The following UBE2E2 variants were observed in gnomAD, a reference collection of about 807,000 sequenced individuals.
The protein encoded by UBE2E2 is ubiquitin conjugating enzyme E2 E2.
In UBE2E2, 6 loss-of-function variants were observed where a neutral mutation model predicts 24.7. The observed-to-expected ratio is 0.24, with a 90% CI of 0.13 to 0.48. The LOEUF (loss-of-function observed/expected upper bound fraction) is 0.48. Ranked by LOEUF, UBE2E2 falls within the 20% of genes least tolerant of loss-of-function variation. UBE2E2 has a pLI of 0.99. For missense variants in UBE2E2, 169 were observed against 245.0 expected, an observed-to-expected ratio of 0.69 and a Z score of 2.07; for synonymous variants, 104 against 83.6, an observed-to-expected ratio of 1.24 and a Z score of -1.33.
chr3:23,347,207 A>G (rs1257127226), intron 3 of UBE2E2, among the ~76,000 whole-genome samples: 1 of 152,248 alleles, frequency 6.6e-6, no homozygotes, highest in South Asian at 2.1e-4. Context: ...TACTGGGTGT[A>G]TACCCAAAGG....
chr3:23,547,913 G>A (rs1230962811), intron 5 of UBE2E2, among the ~76,000 whole-genome samples: 1 of 152,194 alleles, frequency 6.6e-6, no homozygotes, highest in Non-Finnish European at 1.5e-5. Context: ...ATGCCCAGAG[G>A]ATTTGTTAAG....
At chr3:23,302,235 T>C (rs1216498904) in intron 3 of UBE2E2, among the ~76,000 whole-genome samples, 2 of 152,182 alleles carry the variant, frequency 1.3e-5, no homozygotes, top group Non-Finnish European at 2.9e-5. Flanking sequence ...GCCCCAGTGG[T>C]TCTTATTTCC....
At chr3:23,418,465 C>T (rs527371176) in intron 3 of UBE2E2, among the ~76,000 whole-genome samples, 1 of 152,204 alleles carries the variant, frequency 6.6e-6, no homozygotes, top group African/African-American at 2.4e-5. Context: ...CTGGGACCTG[C>T]ACCCCAGAGC....
At chr3:23,215,188 A>G (rs1401984890) in intron 2 of UBE2E2, among the ~76,000 whole-genome samples, 2 of 152,148 alleles carry the variant, frequency 1.3e-5, no homozygotes, top group African/African-American at 4.8e-5. Flanking sequence ...ATCCACTTTT[A>G]GCTGGTTTAT....
chr3:23,210,713 G>C (rs891441952), intron 2 of UBE2E2, among the ~76,000 whole-genome samples: 6 of 152,192 alleles, frequency 3.9e-5, no homozygotes, highest in African/African-American at 1.4e-4. Context: ...TAAATAGAAA[G>C]TGGTTGTATT....
rs565436635 is a variant in UBE2E2, at chr3:23,369,567, T to G, written c.228-130041T>G. On this transcript the variant is annotated intron_variant, in intron 3 of 5. Transcript: ENST00000396703. ...CTGTTGCTATTTCTCACTCAGCATG[T>G]TTCAGAACTACCAAACCTGCTGAGG... is the stretch of plus-strand genomic sequence containing the variant. Among the ~76,000 whole-genome samples the G allele has an allele frequency of 4.6e-5, 7 of 152,308 alleles. No homozygotes were observed. The East Asian group carries it at 1.3e-3, about 29-fold the overall frequency.
chr3:23,516,731 G>C (rs1225812333), intron 4 of UBE2E2, among the ~76,000 whole-genome samples: 4 of 151,888 alleles, frequency 2.6e-5, no homozygotes, highest in African/African-American at 9.7e-5. Flanking sequence ...TTCCAACCAG[G>C]CTAAAAGTAT....
intron 3 of UBE2E2, among the ~76,000 whole-genome samples, chr3:23,344,134 C>T (rs1208462421): frequency 6.6e-6 from 1 of 152,016 alleles, no homozygotes; most frequent in Non-Finnish European, 1.5e-5. Flanking sequence ...CCTGATTTAT[C>T]AGGAGTTTAC....
chr3:23,425,609 G>T (rs1375686569), intron 3 of UBE2E2, among the ~76,000 whole-genome samples: 3 of 152,074 alleles, frequency 2.0e-5, no homozygotes, highest in Admixed American at 1.3e-4. Context: ...CAGAGAACAG[G>T]AGCAGAAGCC....
At chr3:23,543,656 C>G (rs963560183) in intron 5 of UBE2E2, among the ~76,000 whole-genome samples, 1 of 151,992 alleles carries the variant, frequency 6.6e-6, no homozygotes, top group African/African-American at 2.4e-5. Context: ...AAGCAATCTA[C>G]AGATTCAGTG....
At chr3:23,388,067 T>G (rs149031784) in intron 3 of UBE2E2, among the ~76,000 whole-genome samples, 145 of 152,282 alleles carry the variant, frequency 9.5e-4, no homozygotes, top group African/African-American at 3.3e-3. Flanking sequence ...TATGCTGCTT[T>G]TTCCAAAACA....
At chr3:23,291,880 A>ATTTTTTTTT in intron 3 of UBE2E2, among the ~76,000 whole-genome samples, 1 of 42,470 alleles carries the variant, frequency 2.4e-5, no homozygotes, top group Non-Finnish European at 4.4e-5. Flanking sequence ...TTTTTTTGAG[A>ATTTTTTTTT]CAGAGTCTCG....
upstream of UBE2E2, chr3:23,203,187 C>A: frequency 8.1e-6 from 8 of 985,950 alleles, no homozygotes; most frequent in Non-Finnish European, 9.6e-6. Flanking sequence ...GGGGCAGCCA[C>A]AGCGACAGCC....
chr3:23,382,053 T>C (rs1447380524), intron 3 of UBE2E2, among the ~76,000 whole-genome samples: 1 of 152,244 alleles, frequency 6.6e-6, no homozygotes. Context: ...AACAGTTGTT[T>C]CAATTTGAGA....
chr3:23,560,788 G>C (rs1201690354), intron 5 of UBE2E2, among the ~76,000 whole-genome samples: 1 of 152,062 alleles, frequency 6.6e-6, no homozygotes, highest in Non-Finnish European at 1.5e-5. Context: ...ATCTCATTGT[G>C]GTTTTGATTT....
chr3:23,276,240 A>G (rs1054060789), intron 3 of UBE2E2, among the ~76,000 whole-genome samples: 7 of 152,148 alleles, frequency 4.6e-5, no homozygotes, highest in Non-Finnish European at 7.4e-5. Flanking sequence ...AGACACAATC[A>G]GTAAACTGAT....
At chr3:23,242,514 G>T (rs914227697) in intron 3 of UBE2E2, among the ~76,000 whole-genome samples, 3 of 151,574 alleles carry the variant, frequency 2.0e-5, no homozygotes, top group African/African-American at 7.3e-5. Flanking sequence ...TTGCTTCTAA[G>T]AATTCAAATG....
At chr3:23,345,968 T>C (rs1695543714) in intron 3 of UBE2E2, among the ~76,000 whole-genome samples, 1 of 152,184 alleles carries the variant, frequency 6.6e-6, no homozygotes, top group Admixed American at 6.5e-5. Flanking sequence ...CAGCAGAAAC[T>C]AATGGTTTTC....
intron 3 of UBE2E2, among the ~76,000 whole-genome samples, chr3:23,295,685 G>A (rs1225706234): frequency 2.0e-5 from 3 of 152,276 alleles, no homozygotes; most frequent in Non-Finnish European, 2.9e-5. Context: ...GCAGTATTCC[G>A]GTTGGAACAG....
Sources: gnomAD v4.1 joint callset for allele counts (sites outside exome capture counted in the v4.1 genomes callset) on GRCh38, gnomAD v4.1.1 for gene constraint, MANE v1.5 for transcripts, NCBI Gene and HGNC (gene_info 2026-07-23, HGNC 2026-07-21) for gene names.